Variants in DSCAML1 observed in about 807,000 individuals in gnomAD.
DSCAML1 encodes DS cell adhesion molecule like 1.
Under a neutral mutation model 200.5 loss-of-function variants are expected in DSCAML1, and 38 were observed. That is an observed-to-expected ratio of 0.19 (90% confidence interval 0.15 to 0.25). DSCAML1 has a LOEUF of 0.25. Among genes scored for constraint, DSCAML1 ranks in the 10% least tolerant of loss-of-function variants. The pLI is 1.00. For synonymous variants in DSCAML1, 1,215 were observed against 1,165.0 expected, an observed-to-expected ratio of 1.04 and a Z score of -0.87; for missense variants, 2,223 against 2,858.8, an observed-to-expected ratio of 0.78 and a Z score of 5.07.
intron 3 of DSCAML1, among the ~76,000 whole-genome samples, chr11:117,589,337 C>T (rs982395990): frequency 6.6e-6 from 1 of 152,216 alleles, no homozygotes; most frequent in Non-Finnish European, 1.5e-5. Flanking sequence ...TTATTCAAAA[C>T]AAACACATGC....
At chr11:117,580,667 C>T (rs2051022981) in intron 3 of DSCAML1, among the ~76,000 whole-genome samples, 1 of 152,220 alleles carries the variant, frequency 6.6e-6, no homozygotes, top group African/African-American at 2.4e-5. Context: ...TTCCTTCTCT[C>T]TCTCTCTTCT....
chr11:117,587,524 T>C (rs1415943304), intron 3 of DSCAML1, among the ~76,000 whole-genome samples: 1 of 151,956 alleles, frequency 6.6e-6, no homozygotes, highest in East Asian at 1.9e-4. Context: ...CTATCTCCTC[T>C]AGGGAGCCCA....
intron 11 of DSCAML1, among the ~76,000 whole-genome samples, chr11:117,488,529 GCACAGA>G (rs1003261346): frequency 5.4e-5 from 8 of 147,162 alleles, no homozygotes; most frequent in Admixed American, 4.7e-4. Context: ...ATCCTGACAT[GCACAGA>G]CACAGACACA....
chr11:117,555,952 G>C (rs953214630), intron 3 of DSCAML1, among the ~76,000 whole-genome samples: 2 of 151,826 alleles, frequency 1.3e-5, no homozygotes, highest in African/African-American at 4.8e-5. Flanking sequence ...GAGGAGGGGC[G>C]GGGGAGGAGG....
upstream of DSCAML1, chr11:117,800,802 G>T (rs1308236149): frequency 2.0e-5 from 3 of 151,994 alleles, no homozygotes; most frequent in Non-Finnish European, 2.9e-5. Flanking sequence ...ATATTTAGGG[G>T]GTATTATTTT....
chr11:117,527,971 T>G (rs755436743), intron 4 of DSCAML1, among the ~76,000 whole-genome samples: 12 of 152,156 alleles, frequency 7.9e-5, no homozygotes, highest in African/African-American at 9.7e-5. Context: ...TTTTGTGATC[T>G]CCTAGAGCCC....
chr11:117,661,572 C>T (rs540050984), intron 3 of DSCAML1, among the ~76,000 whole-genome samples: 1 of 152,306 alleles, frequency 6.6e-6, no homozygotes, highest in Non-Finnish European at 1.5e-5. Flanking sequence ...ATTCTCTCCC[C>T]TCCAATCAGT....
Position 117,428,380 on chromosome 11 carries a change from C to T in DSCAML1, c.6110G>A (p.Arg2037Lys). ...GGCCCCGGCCCCCTGCTTCTGAGAC[C>T]TCCCTACCCCCGATGTGCTCATCTC... ...LLEMSTSGVG[R>K]SQKQGAGAYS... Residue 2037 changes from arginine (R) to lysine (K), a missense_variant, in exon 33 of 33, where the codon AGG (arginine) becomes AAG (lysine). Physicochemically the swap from Arg to Lys is conservative, Grantham distance 26. Around this residue, in one of 7 missense-constraint regions of DSCAML1, gnomAD observed 280 missense variants for 213.4 expected, o/e 1.31. Coordinates refer to ENST00000651296, the MANE Select transcript of DSCAML1 (RefSeq NM_020693.4). The T allele has an allele frequency of 6.3e-7, 1 of 1,590,698 alleles. No homozygotes were observed. Among genetic ancestry groups the T allele is most frequent in the Non-Finnish European group, 8.5e-7 (1 of 1,171,036 alleles).
chr11:117,685,677 C>T (rs527920518), intron 3 of DSCAML1, among the ~76,000 whole-genome samples: 4 of 152,328 alleles, frequency 2.6e-5, no homozygotes, highest in African/African-American at 7.2e-5. Flanking sequence ...ACGGAAAGCA[C>T]GCGTACCTCT....
chr11:117,800,165 A>G (rs184865587), upstream of DSCAML1, among the ~76,000 whole-genome samples: 2 of 152,304 alleles, frequency 1.3e-5, no homozygotes, highest in Admixed American at 1.3e-4. Context: ...TGAAAATGAC[A>G]GGTTGGCTCA....
chr11:117,797,265 G>A, upstream of DSCAML1: 3 of 1,401,176 alleles, frequency 2.1e-6, no homozygotes, highest in Non-Finnish European at 2.8e-6. Context: ...GTCATCCGCG[G>A]GGCTGGGCTA....
chr11:117,811,750 G>T (rs374911350), intron 1 of DSCAML1, among the ~76,000 whole-genome samples: 1,981 of 152,000 alleles, frequency 0.013, 41 homozygotes, highest in African/African-American at 0.045. Flanking sequence ...TGAAGACTGA[G>T]GCTGCCTGAT....
chr11:117,496,970 T>C (rs1014518627), intron 11 of DSCAML1, among the ~76,000 whole-genome samples: 1 of 152,230 alleles, frequency 6.6e-6, no homozygotes, highest in Non-Finnish European at 1.5e-5. Context: ...ACTGTTGGCA[T>C]TGGGAGGTCA....
At chr11:117,608,023 G>A (rs560856591) in intron 3 of DSCAML1, among the ~76,000 whole-genome samples, 1 of 152,208 alleles carries the variant, frequency 6.6e-6, no homozygotes, top group Non-Finnish European at 1.5e-5. Context: ...AGGGAATGGG[G>A]GCTAAAAGAC....
At chr11:117,679,325 G>A (rs143425020) in intron 3 of DSCAML1, among the ~76,000 whole-genome samples, 284 of 152,294 alleles carry the variant, frequency 1.9e-3, no homozygotes, top group African/African-American at 5.9e-3. Context: ...TCGGAGCTGC[G>A]GCTGTGCAGT....
Position 117,505,766 on chromosome 11 carries a change from CTGT to C in DSCAML1, c.1784-37_1784-35del. 6.3e-7 allele frequency: 1 copy of C among 1,585,996 alleles called. No individual in the cohort carries two copies. The highest frequency in any genetic ancestry group is 8.6e-7 in the Non-Finnish European group (1 of 1,165,608). On this transcript the variant is annotated intron_variant, in intron 8 of 32. Transcript: ENST00000651296. The surrounding 1 kb of genome is among the most constrained non-coding windows in gnomAD (Gnocchi z 6.7). ...GCAAGCGGGTGCTGCCGTCAGGACC[CTGT>C]GCATTCTCACCTGGCCGCCAACGCC...
chr11:117,718,303 G>A (rs1368143265), intron 3 of DSCAML1, among the ~76,000 whole-genome samples: 2 of 152,310 alleles, frequency 1.3e-5, no homozygotes, highest in African/African-American at 4.8e-5. Context: ...AACCGGCAGG[G>A]CTCTCCTGGC....
At chr11:117,784,386 A>G (rs2055313895) in intron 1 of DSCAML1, among the ~76,000 whole-genome samples, 1 of 152,192 alleles carries the variant, frequency 6.6e-6, no homozygotes, top group Non-Finnish European at 1.5e-5. Context: ...CCAAGGGAGT[A>G]AGCAAATACA....
intron 3 of DSCAML1, among the ~76,000 whole-genome samples, chr11:117,714,268 C>A (rs766225156): frequency 7.9e-5 from 12 of 152,134 alleles, no homozygotes; most frequent in Non-Finnish European, 1.3e-4. Context: ...TCTTGGGGAA[C>A]TTTTCTTTGT....
Sources: gnomAD v4.1 joint callset for allele counts (sites outside exome capture counted in the v4.1 genomes callset) on GRCh38, gnomAD v4.1.1 for gene constraint, gnomAD v4.1.1 regional missense constraint, Gnocchi (gnomAD v3.1) non-coding constraint, MANE v1.5 for transcripts, NCBI Gene and HGNC (gene_info 2026-07-23, HGNC 2026-07-21) for gene names.